The following ABCA2 variants were observed in gnomAD, a reference collection of about 807,000 sequenced individuals.
The protein encoded by ABCA2 is ATP binding cassette subfamily A member 2, also known as ATP-binding cassette sub-family A member 2.
ABCA2 carries 84 observed loss-of-function variants against 262.8 expected under a neutral mutation model. The ratio of observed to expected loss-of-function variants is 0.32; its 90% confidence interval spans 0.27 to 0.38. The LOEUF is 0.38. Ranked by LOEUF, ABCA2 falls within the 10% of genes least tolerant of loss-of-function variation. The pLI, the probability that ABCA2 is intolerant of heterozygous loss-of-function variation, is 1.00. For missense variants in ABCA2, 2,662 were observed against 3,405.9 expected, an observed-to-expected ratio of 0.78 and a Z score of 5.44; for synonymous variants, 1,696 against 1,502.9, an observed-to-expected ratio of 1.13 and a Z score of -2.97.
Position 137,015,792 on chromosome 9 carries a change from A to T in ABCA2, c.3397T>A (p.Ser1133Thr). The change falls in exon 23 of 49, where the codon TCC becomes ACC. Residue 1133 changes from serine to threonine, a missense_variant. By Grantham distance (58) the Ser-to-Thr change is moderately conservative (BLOSUM62 1). Around this residue, in one of 12 missense-constraint regions of ABCA2, gnomAD observed 180 missense variants for 307.3 expected, o/e 0.59. Transcript: ENST00000341511. ...TLSGGMKRKL[S>T]VAIAFVGGSR... is the part of the protein sequence containing the mutation. ...CCGCCCACGAAGGCGATGGCCACGGACAGCTTGCGCTTCATGCCACCCGAC... is the reference window on the plus strand; with the variant it reads ...CCGCCCACGAAGGCGATGGCCACGGTCAGCTTGCGCTTCATGCCACCCGAC... The T allele has an allele frequency of 6.2e-7, 1 of 1,612,428 alleles. No individual in the cohort carries two copies. The highest frequency in any genetic ancestry group is 8.5e-7 in the Non-Finnish European group (1 of 1,179,836).
rs1830955429 is a variant in ABCA2, at chr9:137,009,472, A to G, written c.6735-10T>C. ...CTCGCACTCCTCCATGCTGTGGGAC[A>G]TGCACAGGCTGGCACCGGAAGGGGT... On this transcript the variant is annotated splice_polypyrimidine_tract_variant and intron_variant, in intron 44 of 48. Transcript: ENST00000341511. 3 of 1,610,684 alleles carry G rather than the reference A, an allele frequency of 1.9e-6. No individual in the cohort carries two copies. Among genetic ancestry groups the G allele is most frequent in the African/African-American group, 1.3e-5 (1 of 74,836 alleles).
chr9:137,020,626 C>T (rs1831417995), intron 9 of ABCA2, 68 bp downstream of exon 9: 1 of 1,574,294 alleles, frequency 6.4e-7, no homozygotes, highest in African/African-American at 1.3e-5. Flanking sequence ...GAGCCAGAGC[C>T]TAGATTCAGG....
rs1201870585 is a variant in ABCA2, at chr9:137,016,145, G to A, written c.3134C>T (p.Thr1045Met). ...MSILTGLFPP[T>M]SGSATIYGHD... ...CCCGTAGATGGTGGCGGAACCCGAC[G>A]TTGGAGGGAACAGGCCGGTCAGGAT... is the stretch of plus-strand genomic sequence containing the variant. Residue 1045 changes from threonine (T) to methionine (M), a missense_variant, in exon 22 of 49, where the codon ACG becomes ATG. Transcript: ENST00000341511. 6.2e-6 allele frequency: 10 copies of A among 1,612,702 alleles called. No homozygotes were observed. Among genetic ancestry groups the A allele is most frequent in the East Asian group, 2.2e-5 (1 of 44,894 alleles).
At position 137,016,958 on chromosome 9, in the gene ABCA2, T is replaced by C; in HGVS notation, c.2720A>G (p.Tyr907Cys). Residue 907 changes from tyrosine to cysteine, a missense_variant, in exon 19 of 49, where the codon TAT becomes TGT. Around this residue, in one of 12 missense-constraint regions of ABCA2, gnomAD observed 133 missense variants for 150.8 expected, o/e 0.88. Coordinates refer to ENST00000341511, the MANE Select transcript of ABCA2 (RefSeq NM_001606.5). ...VTMLMVDAVV[Y>C]GILTWYIEAV... Reference sequence around the variant, plus strand: ...CTCAATGTACCACGTGAGGATGCCATAGACCACGGCGTCCACCATCAGCAT... The same window carrying C: ...CTCAATGTACCACGTGAGGATGCCACAGACCACGGCGTCCACCATCAGCAT... 1.9e-6 allele frequency: 3 copies of C among 1,612,706 alleles called. No homozygotes were observed. The highest frequency in any genetic ancestry group is 2.5e-6 in the Non-Finnish European group (3 of 1,179,974).
At chr9:137,027,155 A>G (rs1831679507) in intron 1 of ABCA2, among the ~76,000 whole-genome samples, 1 of 152,234 alleles carries the variant, frequency 6.6e-6, no homozygotes, top group Non-Finnish European at 1.5e-5. Flanking sequence ...GACAATCCCA[A>G]GGGCCTTCAG....
chr9:137,016,177 G>A lies in ABCA2; in HGVS notation c.3105-3C>T, dbSNP rs893954875. 1 of 1,612,410 alleles carries A rather than the reference G, an allele frequency of 6.2e-7. No homozygotes were observed. The highest frequency in any genetic ancestry group is 8.5e-7 in the Non-Finnish European group (1 of 1,179,842). On this transcript the variant is annotated splice_region_variant and splice_polypyrimidine_tract_variant and intron_variant, in intron 21 of 48. Transcript: ENST00000341511. ...GGAACAGGCCGGTCAGGATGGACCT[G>A]GGTAGGTGGGCGGGGTCATGACCCC...
At position 137,019,274 on chromosome 9, in the gene ABCA2, C is replaced by A; in HGVS notation, c.1458G>T (p.Val486=). 1 of 1,612,684 alleles carries A rather than the reference C, an allele frequency of 6.2e-7. No individual in the cohort carries two copies. The highest frequency in any genetic ancestry group is 1.7e-4 in the Middle Eastern group (1 of 6,056). The part of the protein sequence containing the change: ...ANETFAFVGN[V]THYAQVWLNI... ...TGAGCCAGACCTGGGCATAGTGAGT[C>A]ACGTTGCCCACAAAAGCAAAAGTCT... Residue 486 remains valine (V), a synonymous_variant, in exon 11 of 49, where the codon GTG becomes GTT. Transcript: ENST00000341511. This position sits in a 1 kb window ranked among gnomAD's most constrained non-coding sequence, Gnocchi z 4.4.
In ABCA2 at chr9:137,012,582, G is replaced by A. The variant is rs1402796116; in HGVS notation, c.5090C>T (p.Ala1697Val). The A allele has an allele frequency of 6.2e-7, 1 of 1,611,740 alleles. No homozygotes were observed. The highest frequency in any genetic ancestry group is 8.5e-7 in the Non-Finnish European group (1 of 1,179,888). The change falls in exon 32 of 49, where the codon GCC (alanine) becomes GTC (valine). Residue 1697 changes from alanine (A) to valine (V), a missense_variant. By Grantham distance (64) the Ala-to-Val change is moderately conservative. This residue lies in a region of ABCA2 where 602 missense variants were observed against 897.4 expected (regional missense o/e 0.67). Coordinates refer to ENST00000341511, the MANE Select transcript of ABCA2 (RefSeq NM_001606.5). Reference sequence around the variant, plus strand: ...CTTCAGGACGTTTCCAAAGGTGATGGCCCCATACCTGGGCAGGCAGGTGGG... The same window carrying A: ...CTTCAGGACGTTTCCAAAGGTGATGACCCCATACCTGGGCAGGCAGGTGGG... The part of the protein sequence containing the change: ...SDRFRLHRYG[A>V]ITFGNVLKSI...
At position 137,017,673 on chromosome 9, in the gene ABCA2, A is replaced by G; in HGVS notation, c.2231T>C (p.Leu744Pro). 6.2e-7 allele frequency: 1 copy of G among 1,609,494 alleles called. No homozygotes were observed. Among genetic ancestry groups the G allele is most frequent in the Non-Finnish European group, 8.5e-7 (1 of 1,177,230 alleles). The change falls in exon 17 of 49, where the codon CTG becomes CCG. Residue 744 changes from leucine to proline, a missense_variant. Physicochemically the swap from Leu to Pro is moderately conservative, Grantham distance 98. Transcript: ENST00000341511. ...RLKEVMKTMG[L>P]NNAVHWVAWF... ...GGCCACCCAGTGCACCGCGTTGTTC[A>G]GGCCCATGGTCTTCATCACCTGCGG...
In ABCA2 at chr9:137,011,798, G is replaced by A. The variant is rs537708323; in HGVS notation, c.5535+46C>T. On this transcript the variant is annotated intron_variant, in intron 35 of 48. Coordinates refer to ENST00000341511, the MANE Select transcript of ABCA2 (RefSeq NM_001606.5). This position sits in a 1 kb window ranked among gnomAD's most constrained non-coding sequence, Gnocchi z 8.8. ...GAGAGACCCGGGGCAGGGCGGGGAT[G>A]GGGGATGAGAAGGGCCGGGGCACCC... is the stretch of plus-strand genomic sequence containing the variant. 1.9e-6 allele frequency: 3 copies of A among 1,552,748 alleles called. No individual in the cohort carries two copies. Among genetic ancestry groups the A allele is most frequent in the Admixed American group, 1.9e-5 (1 of 51,354 alleles).
At chr9:137,008,340 A>C (rs1178151039) in intron 48 of ABCA2, 76 bp downstream of exon 48, 2 of 1,510,466 alleles carry the variant, frequency 1.3e-6, no homozygotes, top group South Asian at 2.4e-5. Flanking sequence ...CCCCGACCCC[A>C]CCCGCGGCTG....
At position 137,009,325 on chromosome 9, in the gene ABCA2, C is replaced by T. The variant is rs765307039; in HGVS notation, c.6827+45G>A. 1.4e-4 allele frequency: 148 copies of T among 1,055,096 alleles called. 1 individual carries two copies. The Middle Eastern group carries it at 1.8e-3, about 13-fold the overall frequency. The allele number at this position is 1,055,096 out of a possible 1,614,324, so 65.4% of individuals were successfully genotyped here. On this transcript the variant is annotated intron_variant, in intron 45 of 48. Coordinates refer to ENST00000341511, the MANE Select transcript of ABCA2 (RefSeq NM_001606.5). Reference sequence around the variant, plus strand: ...TCCTGGCCCCGCTGCCTGGCCGCCCCCCCCGGGCCCGCCCCAGCCCACCCC... The same window carrying T: ...TCCTGGCCCCGCTGCCTGGCCGCCCTCCCCGGGCCCGCCCCAGCCCACCCC...
rs898743265 is a variant in ABCA2 at position 137,007,616 on chromosome 9, C to T, written c.*313G>A. On this transcript the variant is annotated 3_prime_UTR_variant, in exon 49 of 49. Transcript: ENST00000341511. ...AAAGGCCAGCAGTGCCTGGTCCAGC[C>T]GGCGTCGCCTTGGGCGGTGAGCAGT... The T allele has an allele frequency of 1.9e-5, 9 of 481,946 alleles. No individual in the cohort carries two copies. The highest frequency in any genetic ancestry group is 1.6e-4 in the East Asian group (4 of 24,970). The allele number at this position is 481,946 out of a possible 1,614,324, so 29.9% of individuals were successfully genotyped here. A position where few individuals can be genotyped will look rare whatever the true frequency, so the allele number is the denominator to read the frequency against.
rs1299840407 is a variant in ABCA2 at position 137,009,479 on chromosome 9, G to A, written c.6735-17C>T. On this transcript the variant is annotated splice_polypyrimidine_tract_variant and intron_variant, in intron 44 of 48. Coordinates refer to ENST00000341511, the MANE Select transcript of ABCA2 (RefSeq NM_001606.5). ...TCCTCCATGCTGTGGGACATGCACA[G>A]GCTGGCACCGGAAGGGGTGCTGTGG... The A allele has an allele frequency of 1.9e-6, 3 of 1,611,836 alleles. No homozygotes were observed. Among genetic ancestry groups the A allele is most frequent in the Non-Finnish European group, 2.5e-6 (3 of 1,179,712 alleles).
chr9:137,016,364 G>GC lies in ABCA2; in HGVS notation c.3030dup (p.Leu1011AlafsTer52). On this transcript the variant is annotated frameshift_variant, in exon 21 of 49. Transcript: ENST00000341511. LOFTEE classifies it high-confidence loss of function. The stretch of plus-strand genomic sequence containing the variant: ...TGGTTCTCGTAGAGGTTCAGGCTCA[G>GC]CTTGTTCAGGGCCAGCTTCTTGTCG... The GC allele has an allele frequency of 6.2e-7, 1 of 1,612,942 alleles. No homozygotes were observed. Among genetic ancestry groups the GC allele is most frequent in the Non-Finnish European group, 8.5e-7 (1 of 1,179,994 alleles).
chr9:137,013,040 T>A lies in ABCA2; in HGVS notation c.4829A>T (p.Gln1610Leu). 6.5e-7 allele frequency: 1 copy of A among 1,529,416 alleles called. No homozygotes were observed. Among genetic ancestry groups the A allele is most frequent in the Admixed American group, 1.9e-5 (1 of 51,326 alleles). 94.7% of individuals were successfully genotyped at this position (1,529,416 alleles called of 1,614,324 possible). A position where few individuals can be genotyped will look rare whatever the true frequency, so the allele number is the denominator to read the frequency against. The change falls in exon 30 of 49, where the codon CAG (glutamine) becomes CTG (leucine). Residue 1610 changes from glutamine to leucine, a missense_variant. By Grantham distance (113) the Gln-to-Leu change is moderately radical (BLOSUM62 -2). Transcript: ENST00000341511. ...GGGCGGCAGGGAGACGTTCCAGGCC[T>A]GCAGGTCCTCATCCGGGGACGCTGG... is the stretch of plus-strand genomic sequence containing the variant. ...DSPASPDEDLQAWNVSLPPTA... is the reference protein window; with the variant it reads ...DSPASPDEDLLAWNVSLPPTA...
In ABCA2 at chr9:137,007,876, C is replaced by A; in HGVS notation, c.*53G>T. On this transcript the variant is annotated 3_prime_UTR_variant, in exon 49 of 49. Coordinates refer to ENST00000341511, the MANE Select transcript of ABCA2 (RefSeq NM_001606.5). ...TCTGTCCCCATTGTTGAGTCCCTGG[C>A]CCAGCTCTGGGTGGTCAGTGGAGCG... 6.2e-7 allele frequency: 1 copy of A among 1,600,062 alleles called. No homozygotes were observed.
At position 137,010,124 on chromosome 9, in the gene ABCA2, G is replaced by T; in HGVS notation, c.6354C>A (p.Ser2118Arg). Residue 2118 changes from serine (S) to arginine (R), a missense_variant and splice_region_variant, in exon 42 of 49, where the codon AGC becomes AGA. By Grantham distance (110) the Ser-to-Arg change is moderately radical (BLOSUM62 -1). Coordinates refer to ENST00000341511, the MANE Select transcript of ABCA2 (RefSeq NM_001606.5). The part of the protein sequence containing the change: ...TGGEAFVNGH[S>R]VLKELLQVQQ... ...GCACCTGGAGCAGCTCCTTCAGCAC[G>T]CTGGGGACACGGCAGCTGTCAGCGC... 6.3e-7 allele frequency: 1 copy of T among 1,592,318 alleles called. No individual in the cohort carries two copies. The highest frequency in any genetic ancestry group is 8.5e-7 in the Non-Finnish European group (1 of 1,174,658).
At chr9:137,013,601 C>A in intron 28 of ABCA2, 38 bp from the exon 29 acceptor site, 1 of 1,568,638 alleles carries the variant, frequency 6.4e-7, no homozygotes, top group South Asian at 1.2e-5. Flanking sequence ...CAGGTTCTGC[C>A]CTCTGGCCAG....
Sources: allele counts gnomAD v4.1 joint callset (sites outside exome capture counted in the v4.1 genomes callset), GRCh38; gene constraint gnomAD v4.1.1; regional missense constraint gnomAD v4.1.1; non-coding constraint Gnocchi (gnomAD v3.1); transcripts MANE v1.5; gene names NCBI Gene and HGNC (gene_info 2026-07-23, HGNC 2026-07-21).